SETBP1: variants seen among roughly 807,000 people sequenced by gnomAD.
The protein encoded by SETBP1 is SET-binding protein.
In SETBP1, 9 loss-of-function variants were observed where a neutral mutation model predicts 101.0. The observed-to-expected ratio is 0.09, with a 90% CI of 0.05 to 0.16. SETBP1 has a LOEUF of 0.16. SETBP1 is among the 10% of genes least tolerant of loss of function. The pLI, the probability that SETBP1 is intolerant of heterozygous loss-of-function variation, is 1.00. For synonymous variants in SETBP1, 818 were observed against 788.5 expected (o/e 1.04, Z -0.63); for missense variants, 1,858 against 2,033.8 (o/e 0.91, Z 1.66).
chr18:45,037,802 A>C (rs2073426980), intron 4 of SETBP1, among the ~76,000 whole-genome samples: 1 of 151,828 alleles, frequency 6.6e-6, no homozygotes, highest in African/African-American at 2.4e-5. Context: ...AGCTCTCCTT[A>C]CCCTACAGGC....
chr18:44,966,306 A>G (rs1353402167), intron 4 of SETBP1, among the ~76,000 whole-genome samples: 1 of 152,032 alleles, frequency 6.6e-6, no homozygotes, highest in African/African-American at 2.4e-5. Context: ...TCTCCTCCTT[A>G]TCCTATAGAA....
chr18:44,722,169 G>A (rs2069614331), intron 2 of SETBP1, among the ~76,000 whole-genome samples: 1 of 152,122 alleles, frequency 6.6e-6, no homozygotes, highest in Non-Finnish European at 1.5e-5. Context: ...AAAGAGCCCA[G>A]CATTGGTATG....
chr18:44,844,347 A>ATG (rs1555689955), intron 2 of SETBP1, among the ~76,000 whole-genome samples: 2 of 117,488 alleles, frequency 1.7e-5, no homozygotes, highest in East Asian at 5.7e-4. Flanking sequence ...ACGTGCACAC[A>ATG]CGCGCGCACA....
intron 3 of SETBP1, among the ~76,000 whole-genome samples, chr18:44,940,982 G>A (rs1285718081): frequency 2.6e-5 from 4 of 151,218 alleles, no homozygotes; most frequent in Non-Finnish European, 4.4e-5. Flanking sequence ...ATTTTCGCTG[G>A]ATATATAAAT....
intron 3 of SETBP1, among the ~76,000 whole-genome samples, chr18:44,932,993 C>A (rs1489135409): frequency 2.6e-5 from 4 of 152,220 alleles, no homozygotes; most frequent in Non-Finnish European, 5.9e-5. Context: ...CCGTTGCTCA[C>A]AAGGAGCTGC....
intron 3 of SETBP1, among the ~76,000 whole-genome samples, chr18:44,923,460 T>C (rs2070627678): frequency 6.6e-6 from 1 of 152,198 alleles, no homozygotes; most frequent in African/African-American, 2.4e-5. Context: ...CTCCTGATGT[T>C]GTTGAGTCTT....
At chr18:44,937,437 A>G (rs2145027406) in intron 3 of SETBP1, among the ~76,000 whole-genome samples, 1 of 140,646 alleles carries the variant, frequency 7.1e-6, no homozygotes, top group Middle Eastern at 3.9e-3. Flanking sequence ...CCTGGGCGAC[A>G]GAGCGAGACT....
chr18:44,786,239 G>A (rs1054927746), intron 2 of SETBP1, among the ~76,000 whole-genome samples: 2 of 152,110 alleles, frequency 1.3e-5, no homozygotes, highest in Non-Finnish European at 2.9e-5. Flanking sequence ...GTTTTTGAAA[G>A]CTACAGCGTT....
At chr18:44,983,404 TA>T (rs569305226) in intron 4 of SETBP1, among the ~76,000 whole-genome samples, 1 of 152,076 alleles carries the variant, frequency 6.6e-6, no homozygotes, top group Non-Finnish European at 1.5e-5. Context: ...CTCTAAGAAC[TA>T]GGGACACTCT....
intron 5 of SETBP1, among the ~76,000 whole-genome samples, chr18:45,054,191 A>ATT (rs754973461): frequency 2.3e-4 from 33 of 145,370 alleles, no homozygotes; most frequent in African/African-American, 7.0e-4. Context: ...GAAGCCACTA[A>ATT]TTTTTTTTTT....
At chr18:44,742,186 T>C (rs762044093) in intron 2 of SETBP1, among the ~76,000 whole-genome samples, 3 of 152,204 alleles carry the variant, frequency 2.0e-5, no homozygotes, top group Non-Finnish European at 4.4e-5. Flanking sequence ...CCTTGCTGTC[T>C]CCATTAAATA....
intron 2 of SETBP1, among the ~76,000 whole-genome samples, chr18:44,833,930 C>A (rs949028618): frequency 3.3e-5 from 5 of 152,114 alleles, no homozygotes; most frequent in African/African-American, 1.2e-4. Context: ...CAAGGCATGG[C>A]ATGAAAGAAA....
intron 4 of SETBP1, among the ~76,000 whole-genome samples, chr18:44,960,557 T>A (rs2071591270): frequency 6.6e-6 from 1 of 152,128 alleles, no homozygotes; most frequent in Admixed American, 6.5e-5. Context: ...TTCCCCAGAC[T>A]GGTCTTGAAC....
At chr18:44,972,092 A>G (rs1468580015) in intron 4 of SETBP1, among the ~76,000 whole-genome samples, 1 of 152,196 alleles carries the variant, frequency 6.6e-6, no homozygotes. Context: ...CTTTCTACAT[A>G]TGGCTAGCCA....
In SETBP1 at chr18:45,065,727, CT is replaced by C. The variant is rs1387509856; in HGVS notation, c.*2030del. ...CCTAGCAATATGTAAGTTTAAAGGA[CT>C]GCATTCCCCTCTACTTTAAAGCTTA... is the stretch of plus-strand genomic sequence containing the variant. On this transcript the variant is annotated 3_prime_UTR_variant, in exon 6 of 6. Coordinates refer to ENST00000649279, the MANE Select transcript of SETBP1 (RefSeq NM_015559.3). The C allele has an allele frequency of 2.0e-5, 3 of 152,316 alleles. No homozygotes were observed. Among genetic ancestry groups the C allele is most frequent in the African/African-American group, 7.2e-5 (3 of 41,570 alleles). 9.4% of individuals were successfully genotyped at this position (152,316 alleles called of 1,614,324 possible).
Position 44,953,178 on chromosome 18 carries a change from G to T in SETBP1, c.3838G>T (p.Val1280Leu), listed in dbSNP as rs755003311. ...CAGCACGAGATCAGAGAACCTGGACGTGTTCAGTGAAATGAACCCTTCGAA... is the reference window on the plus strand; with the variant it reads ...CAGCACGAGATCAGAGAACCTGGACTTGTTCAGTGAAATGAACCCTTCGAA... ...GGSTRSENLD[V>L]FSEMNPSNDK... is the part of the protein sequence containing the mutation. The change falls in exon 4 of 6, where the codon GTG (valine) becomes TTG (leucine). Residue 1280 changes from valine to leucine, a missense_variant. Transcript: ENST00000649279. 3 of 1,614,104 alleles carry T rather than the reference G, an allele frequency of 1.9e-6. No homozygotes were observed. Among genetic ancestry groups the T allele is most frequent in the East Asian group, 2.2e-5 (1 of 44,870 alleles).
chr18:44,802,557 G>A (rs1186743639), intron 2 of SETBP1, among the ~76,000 whole-genome samples: 1 of 152,090 alleles, frequency 6.6e-6, no homozygotes, highest in Non-Finnish European at 1.5e-5. Context: ...AGACTTCTTA[G>A]ATTCCAGGTG....
intron 2 of SETBP1, among the ~76,000 whole-genome samples, chr18:44,823,173 T>C (rs1325842144): frequency 1.3e-5 from 2 of 152,232 alleles, no homozygotes; most frequent in Non-Finnish European, 2.9e-5. Flanking sequence ...TAGCTCTTCA[T>C]GTCTTATTAA....
intron 2 of SETBP1, among the ~76,000 whole-genome samples, chr18:44,757,635 A>G (rs2070529697): frequency 6.6e-6 from 1 of 152,206 alleles, no homozygotes; most frequent in African/African-American, 2.4e-5. Context: ...TGTGTGCTTC[A>G]TCTGTACTAT....
Sources: allele counts gnomAD v4.1 joint callset (sites outside exome capture counted in the v4.1 genomes callset), GRCh38; gene constraint gnomAD v4.1.1; transcripts MANE v1.5; gene names NCBI Gene and HGNC (gene_info 2026-07-23, HGNC 2026-07-21).